Variants in TNRC18 observed in about 807,000 individuals in gnomAD.
TNRC18 encodes the protein trinucleotide repeat-containing gene 18 protein.
A neutral mutation model predicts 226.7 loss-of-function variants in TNRC18; 69 were observed. The observed-to-expected ratio is 0.30, with a 90% confidence interval of 0.25 to 0.37. The LOEUF (loss-of-function observed/expected upper bound fraction) is 0.37. Ranked by LOEUF, TNRC18 falls within the 10% of genes least tolerant of loss-of-function variation. The pLI, the probability that TNRC18 is intolerant of heterozygous loss-of-function variation, is 1.00. For missense variants in TNRC18, 4,754 were observed against 4,256.6 expected (o/e 1.12, Z -3.25); for synonymous variants, 2,449 against 1,927.6 (o/e 1.27, Z -7.09).
rs986119234 is a variant in TNRC18, at chr7:5,371,102, G to A, written c.3492C>T (p.Asp1164=). 6.2e-7 allele frequency: 1 copy of A among 1,612,328 alleles called. No individual in the cohort carries two copies. The highest frequency in any genetic ancestry group is 8.5e-7 in the Non-Finnish European group (1 of 1,179,664). ...GCAGCTCTGTGGGGCCCTCGTCCAT[G>A]TCCTCCACCTCTGCCTTCACCTCCC... The part of the protein sequence containing the change: ...AEREVKAEVE[D]MDEGPTELPP... Residue 1164 remains aspartate, a synonymous_variant, in exon 11 of 30, where the codon GAC becomes GAT. Transcript: ENST00000430969.
intron 17 of TNRC18, among the ~76,000 whole-genome samples, chr7:5,350,160 C>A (rs1342922713): frequency 6.6e-6 from 1 of 151,800 alleles, no homozygotes; most frequent in Non-Finnish European, 1.5e-5. Flanking sequence ...AGAAGGGGAT[C>A]GTAAACTAAC....
chr7:5,319,246 T>A (rs1388105744), intron 24 of TNRC18, among the ~76,000 whole-genome samples: 1 of 152,176 alleles, frequency 6.6e-6, no homozygotes, highest in Non-Finnish European at 1.5e-5. Flanking sequence ...GGACCACTCA[T>A]CTGTTGTTTT....
intron 5 of TNRC18, among the ~76,000 whole-genome samples, chr7:5,385,412 C>T (rs1026569718): frequency 6.4e-4 from 89 of 138,518 alleles, no homozygotes; most frequent in Non-Finnish European, 1.1e-3. Flanking sequence ...GGCGTGAACC[C>T]GGGAAGCGGA....
In TNRC18 at chr7:5,390,555, C is replaced by T; in HGVS notation, c.417G>A (p.Gly139=). ...HLNHLEPPSS[G]SPLLSQLGQP... is the part of the protein sequence containing the mutation. ...GACCCAGCTGGCTGAGGAGGGGGCT[C>T]CCACTGCTGGGGGGCTCCAGGTGGT... The change falls in exon 4 of 30, where the codon GGG becomes GGA. Residue 139 remains glycine, a synonymous_variant. Coordinates refer to ENST00000430969, the MANE Select transcript of TNRC18 (RefSeq NM_001080495.3). The T allele has an allele frequency of 6.2e-7, 1 of 1,613,476 alleles. No individual in the cohort carries two copies. The highest frequency in any genetic ancestry group is 8.5e-7 in the Non-Finnish European group (1 of 1,179,728).
At position 5,321,122 on chromosome 7, in the gene TNRC18, C is replaced by T; in HGVS notation, c.6511G>A (p.Asp2171Asn). The change falls in exon 22 of 30, where the codon GAC becomes AAC. Residue 2171 changes from aspartate (D) to asparagine (N), a missense_variant. Physicochemically the swap from Asp to Asn is conservative, Grantham distance 23 (BLOSUM62 1). Coordinates refer to ENST00000430969, the MANE Select transcript of TNRC18 (RefSeq NM_001080495.3). Reference sequence around the variant, plus strand: ...ACGTGCCCGGCGTACAGCAGCTTGTCATCCATGGGGATGAGCACACGCAGG... The same window carrying T: ...ACGTGCCCGGCGTACAGCAGCTTGTTATCCATGGGGATGAGCACACGCAGG... ...DGLRVLIPMD[D>N]KLLYAGHVQT... The T allele has an allele frequency of 1.3e-6, 2 of 1,556,098 alleles. No individual in the cohort carries two copies. The highest frequency in any genetic ancestry group is 1.7e-6 in the Non-Finnish European group (2 of 1,150,698).
chr7:5,315,108 C>T lies in TNRC18; in HGVS notation c.6903G>A (p.Lys2301=). The T allele has an allele frequency of 6.2e-7, 1 of 1,613,022 alleles. No individual in the cohort carries two copies. Among genetic ancestry groups the T allele is most frequent in the East Asian group, 2.2e-5 (1 of 44,864 alleles). Residue 2301 remains lysine (K), a synonymous_variant, in exon 26 of 30, where the codon AAG becomes AAA. Coordinates refer to ENST00000430969, the MANE Select transcript of TNRC18 (RefSeq NM_001080495.3). The part of the protein sequence containing the change: ...PSPALLVPSA[K]RRSRKTSKDT... ...CTTTGCTGGTCTTCCGGCTGCGGCGCTTGGCACTTGGCACCAGAAGGGCCG... is the reference window on the plus strand; with the variant it reads ...CTTTGCTGGTCTTCCGGCTGCGGCGTTTGGCACTTGGCACCAGAAGGGCCG...
chr7:5,320,799 G>A (rs140885422), intron 22 of TNRC18, 192 bp from the exon 23 acceptor site: 117 of 627,328 alleles, frequency 1.9e-4, no homozygotes, highest in Middle Eastern at 1.7e-3. Flanking sequence ...ACTAGGGGTT[G>A]CAAGGCACAG....
chr7:5,406,102 G>T (rs919344475), intron 2 of TNRC18, among the ~76,000 whole-genome samples: 1 of 152,172 alleles, frequency 6.6e-6, no homozygotes, highest in Non-Finnish European at 1.5e-5. Context: ...AGGACAATCC[G>T]ATACATTCCA....
chr7:5,395,621 T>C (rs371913239), intron 2 of TNRC18, among the ~76,000 whole-genome samples: 24 of 152,350 alleles, frequency 1.6e-4, no homozygotes, highest in African/African-American at 4.6e-4. Context: ...GGTCTCGGTT[T>C]GCACATCAAC....
chr7:5,416,001 CT>C (rs1239881736), intron 2 of TNRC18, among the ~76,000 whole-genome samples: 1 of 151,326 alleles, frequency 6.6e-6, no homozygotes, highest in African/African-American at 2.4e-5. Context: ...GTAATCCCAG[CT>C]ACTCGGGGAG....
chr7:5,355,890 G>A (rs1400007976), intron 16 of TNRC18, among the ~76,000 whole-genome samples: 7 of 151,868 alleles, frequency 4.6e-5, no homozygotes. Context: ...AAAACGCACG[G>A]CACAGTAGCT....
intron 18 of TNRC18, 45 bp downstream of exon 18, chr7:5,345,517 G>GGGGGGGGGGGGCCCCCCCCCCC: frequency 5.3e-6 from 2 of 377,742 alleles, no homozygotes; most frequent in Non-Finnish European, 9.7e-6. Context: ...AATGGCGTCC[G>GGGGGGGGGGGGCCCCCCCCCCC]CCCCTCCCAC....
intron 16 of TNRC18, among the ~76,000 whole-genome samples, chr7:5,356,496 A>G (rs1236642306): frequency 6.6e-6 from 1 of 152,232 alleles, no homozygotes. Flanking sequence ...TGGGTAGGGG[A>G]GTCCGGTCAC....
At chr7:5,393,044 C>G (rs1780414618) in intron 3 of TNRC18, among the ~76,000 whole-genome samples, 1 of 152,212 alleles carries the variant, frequency 6.6e-6, no homozygotes, top group African/African-American at 2.4e-5. Flanking sequence ...CTCCCCCGGG[C>G]AGGGCTGGCT....
intron 18 of TNRC18, among the ~76,000 whole-genome samples, chr7:5,340,712 C>T (rs1216235602): frequency 6.6e-6 from 1 of 150,840 alleles, no homozygotes; most frequent in Non-Finnish European, 1.5e-5. Flanking sequence ...CACTACATTC[C>T]AGCCTGGGCA....
chr7:5,342,004 T>C (rs570674358), intron 18 of TNRC18, among the ~76,000 whole-genome samples: 4 of 152,270 alleles, frequency 2.6e-5, no homozygotes, highest in African/African-American at 9.6e-5. Context: ...CTGCAGCCCA[T>C]AGATGAAGGA....
In TNRC18 at chr7:5,374,559, C is replaced by T. The variant is rs113409478; in HGVS notation, c.2800-75G>A. 1.1e-4 allele frequency: 158 copies of T among 1,423,328 alleles called. 1 individual carries two copies. The African/African-American group carries it at 1.7e-3, about 16-fold the overall frequency. 88.2% of individuals were successfully genotyped at this position (1,423,328 alleles called of 1,614,324 possible). ...CCCGACGCCCGCACCTGCCCTGTCC[C>T]CCCAAGGGTCCCCGAGTCCGAGGAG... On this transcript the variant is annotated intron_variant, in intron 9 of 29. Transcript: ENST00000430969.
At chr7:5,397,383 C>G (rs1246209268) in intron 2 of TNRC18, among the ~76,000 whole-genome samples, 1 of 152,212 alleles carries the variant, frequency 6.6e-6, no homozygotes, top group Non-Finnish European at 1.5e-5. Context: ...GCTTGTGAAA[C>G]CCGCCCAGCA....
intron 19 of TNRC18, among the ~76,000 whole-genome samples, chr7:5,329,009 A>T (rs865966402): frequency 6.6e-6 from 1 of 152,106 alleles, no homozygotes; most frequent in Non-Finnish European, 1.5e-5. Flanking sequence ...TACAATAAAA[A>T]TATTGATAGA....
Sources: gnomAD v4.1 joint callset for allele counts (sites outside exome capture counted in the v4.1 genomes callset) on GRCh38, gnomAD v4.1.1 for gene constraint, MANE v1.5 for transcripts, NCBI Gene and HGNC (gene_info 2026-07-23, HGNC 2026-07-21) for gene names.